Variants in IL1RAPL1 observed in about 807,000 individuals in gnomAD.
IL1RAPL1 encodes the protein interleukin-1 receptor accessory protein-like 1.
A neutral mutation model predicts 48.4 loss-of-function variants in IL1RAPL1; 3 were observed. The ratio of observed to expected loss-of-function variants is 0.06; its 90% CI spans 0.03 to 0.16. IL1RAPL1 has a LOEUF of 0.16. IL1RAPL1 is among the 10% of genes least tolerant of loss of function. The probability of loss-of-function intolerance (pLI) is 1.00; values close to 1 mark genes in which losing one functional copy is unlikely to be tolerated. For synonymous variants in IL1RAPL1, 185 were observed against 187.7 expected (o/e 0.99, Z 0.12); for missense variants, 349 against 530.6 (o/e 0.66, Z 3.36).
intron 2 of IL1RAPL1, among the ~76,000 whole-genome samples, chrX:28,877,682 A>G (rs1384679566): frequency 8.9e-6 from 1 of 112,079 alleles, no homozygotes; most frequent in Non-Finnish European, 1.9e-5. Context: ...GACTAGAGTT[A>G]AAATGAATCC....
intron 2 of IL1RAPL1, among the ~76,000 whole-genome samples, chrX:29,123,244 G>T (rs1272444399): frequency 9.1e-6 from 1 of 109,552 alleles, no homozygotes; most frequent in Non-Finnish European, 1.9e-5. Flanking sequence ...TGGCCAGGCT[G>T]GTCTCGAACT....
chrX:29,125,266 C>A (rs1258655138), intron 2 of IL1RAPL1, among the ~76,000 whole-genome samples: 2 of 112,120 alleles, frequency 1.8e-5, no homozygotes, highest in Non-Finnish European at 3.8e-5. Flanking sequence ...ATATCCACCT[C>A]CTACCAAAAT....
intron 8 of IL1RAPL1, among the ~76,000 whole-genome samples, chrX:29,929,472 T>TCG (rs1569206037): frequency 1.8e-5 from 2 of 111,965 alleles, no homozygotes; most frequent in Non-Finnish European, 3.8e-5. Flanking sequence ...TTACAGATTC[T>TCG]CTGAGTTTTT....
At chrX:29,808,485 G>A (rs1251960026) in intron 6 of IL1RAPL1, among the ~76,000 whole-genome samples, 1 of 111,156 alleles carries the variant, frequency 9.0e-6, no homozygotes, top group Admixed American at 9.6e-5. Context: ...TTCCATCACC[G>A]CTCCATGTGT....
chrX:28,670,679 A>T (rs1934939127), intron 1 of IL1RAPL1, among the ~76,000 whole-genome samples: 1 of 112,289 alleles, frequency 8.9e-6, no homozygotes, highest in Non-Finnish European at 1.9e-5. Context: ...GTGTATAATA[A>T]CAACTTCCTT....
intron 3 of IL1RAPL1, among the ~76,000 whole-genome samples, chrX:29,290,866 A>C (rs1932359499): frequency 8.9e-6 from 1 of 112,140 alleles, no homozygotes; most frequent in Non-Finnish European, 1.9e-5. Flanking sequence ...AGTCATGCTT[A>C]CTGATGTCTC....
intron 5 of IL1RAPL1, among the ~76,000 whole-genome samples, chrX:29,642,159 A>G (rs1444488491): frequency 8.9e-6 from 1 of 112,174 alleles, no homozygotes; most frequent in Non-Finnish European, 1.9e-5. Flanking sequence ...AATGTTTGCA[A>G]CTCATCTTCT....
chrX:28,901,687 C>T (rs1020313208), intron 2 of IL1RAPL1, among the ~76,000 whole-genome samples: 1 of 112,098 alleles, frequency 8.9e-6, no homozygotes, highest in African/African-American at 3.2e-5. Context: ...TCACTACATT[C>T]ATGAAAGTTT....
chrX:28,724,901 A>T (rs1388309543), intron 1 of IL1RAPL1, among the ~76,000 whole-genome samples: 1 of 107,458 alleles, frequency 9.3e-6, no homozygotes, highest in Non-Finnish European at 1.9e-5. Flanking sequence ...TATCTTTCTG[A>T]CTTTCTGTAA....
At chrX:29,879,927 C>G (rs1931992454) in intron 6 of IL1RAPL1, among the ~76,000 whole-genome samples, 1 of 111,410 alleles carries the variant, frequency 9.0e-6, no homozygotes, top group South Asian at 3.7e-4. Flanking sequence ...CTAAGAGCCT[C>G]TCTTTGCATA....
chrX:28,704,632 T>C lies in IL1RAPL1; in HGVS notation c.-24-84688T>C, dbSNP rs747407927. Among the ~76,000 whole-genome samples the C allele has an allele frequency of 6.5e-4, 71 of 108,406 alleles. 1 individual carries two copies. Among genetic ancestry groups the C allele is most frequent in the Middle Eastern group, 9.4e-3 (2 of 213 alleles). 94.1% of individuals were successfully genotyped at this position (108,406 alleles called of 115,157 possible). ...CCTAACAATAAACATTACAAGGAGA[T>C]TAACATCAATTATGGTGATGTAATG... On this transcript the variant is annotated intron_variant, in intron 1 of 10. Transcript: ENST00000378993.
At chrX:29,021,640 C>T (rs1161149324) in intron 2 of IL1RAPL1, among the ~76,000 whole-genome samples, 1 of 112,182 alleles carries the variant, frequency 8.9e-6, no homozygotes, top group Non-Finnish European at 1.9e-5. Flanking sequence ...TTGCTACTTT[C>T]TGCTTTCATC....
At chrX:29,240,872 G>A (rs185802043) in intron 2 of IL1RAPL1, among the ~76,000 whole-genome samples, 68 of 111,985 alleles carry the variant, frequency 6.1e-4, no homozygotes, top group Admixed American at 2.8e-3. Context: ...AAAGAGTAAA[G>A]GCAAAAAATT....
At chrX:28,704,860 A>G (rs1935356249) in intron 1 of IL1RAPL1, among the ~76,000 whole-genome samples, 1 of 100,353 alleles carries the variant, frequency 1.0e-5, no homozygotes, top group Non-Finnish European at 2.0e-5. Flanking sequence ...CTGTGACTGG[A>G]GCATGACAGG....
chrX:29,064,285 T>TCCTAAC (rs1224331150), intron 2 of IL1RAPL1, among the ~76,000 whole-genome samples: 5 of 112,244 alleles, frequency 4.5e-5, no homozygotes, highest in African/African-American at 1.6e-4. Flanking sequence ...AGACAGTTCT[T>TCCTAAC]CCTAACAACC....
chrX:29,838,192 T>C (rs1226139817), intron 6 of IL1RAPL1, among the ~76,000 whole-genome samples: 1 of 112,284 alleles, frequency 8.9e-6, no homozygotes, highest in Admixed American at 9.4e-5. Flanking sequence ...TTAACTTGAA[T>C]ATTCATGAAG....
chrX:28,907,836 G>A (rs1325872516), intron 2 of IL1RAPL1, among the ~76,000 whole-genome samples: 2 of 111,573 alleles, frequency 1.8e-5, no homozygotes, highest in Non-Finnish European at 3.8e-5. Flanking sequence ...TTAAATGTTT[G>A]GTAGAATTTC....
intron 6 of IL1RAPL1, among the ~76,000 whole-genome samples, chrX:29,842,736 G>C (rs1023867331): frequency 3.6e-5 from 4 of 112,245 alleles, no homozygotes; most frequent in Non-Finnish European, 7.5e-5. Context: ...TAGTTCAAAG[G>C]TCCCTGTTAC....
intron 2 of IL1RAPL1, among the ~76,000 whole-genome samples, chrX:28,844,244 C>A (rs1341524261): frequency 9.5e-6 from 1 of 105,219 alleles, no homozygotes; most frequent in Admixed American, 1.0e-4. Flanking sequence ...GGAACGTAAA[C>A]CCCCACCAAA....
Sources: allele counts gnomAD v4.1 joint callset (sites outside exome capture counted in the v4.1 genomes callset), GRCh38; gene constraint gnomAD v4.1.1; transcripts MANE v1.5; gene names NCBI Gene and HGNC (gene_info 2026-07-23, HGNC 2026-07-21).